BRAF: variants seen among roughly 807,000 people sequenced by gnomAD.
BRAF encodes the protein serine/threonine-protein kinase B-raf.
BRAF carries 16 observed loss-of-function variants against 104.6 expected under a neutral mutation model. That is an observed-to-expected ratio of 0.15 (90% CI 0.10 to 0.23). The LOEUF is 0.23. BRAF is among the 10% of genes least tolerant of loss of function. BRAF has a pLI of 1.00. For synonymous variants in BRAF, 310 were observed against 341.6 expected (o/e 0.91, Z 1.02); for missense variants, 541 against 937.3 (o/e 0.58, Z 5.52).
intron 14 of BRAF, among the ~76,000 whole-genome samples, chr7:140,775,175 T>C (rs1478101738): frequency 1.3e-5 from 2 of 152,076 alleles, no homozygotes; most frequent in Non-Finnish European, 2.9e-5. Flanking sequence ...AGGATATTTG[T>C]GGCATGTGTA....
intron 1 of BRAF, among the ~76,000 whole-genome samples, chr7:140,904,345 T>G (rs2129132372): frequency 6.6e-6 from 1 of 152,052 alleles, no homozygotes; most frequent in Middle Eastern, 3.4e-3. Context: ...GACTGTGAAT[T>G]TCCCAGTAGA....
chr7:140,901,214 A>C (rs1815591728), intron 1 of BRAF, among the ~76,000 whole-genome samples: 1 of 152,240 alleles, frequency 6.6e-6, no homozygotes, highest in African/African-American at 2.4e-5. Context: ...TACAAATATG[A>C]GATAATAAAA....
intron 1 of BRAF, among the ~76,000 whole-genome samples, chr7:140,892,461 C>T (rs1474796165): frequency 3.3e-5 from 5 of 152,200 alleles, no homozygotes; most frequent in Non-Finnish European, 4.4e-5. Flanking sequence ...ATTTAGATAA[C>T]ACAGTATCCC....
At chr7:140,755,661 C>T (rs1286205786) in intron 14 of BRAF, among the ~76,000 whole-genome samples, 5 of 152,140 alleles carry the variant, frequency 3.3e-5, no homozygotes, top group East Asian at 3.8e-4. Context: ...CACTCTTTCA[C>T]TGAAAGAAAA....
intron 14 of BRAF, among the ~76,000 whole-genome samples, chr7:140,769,633 C>T (rs924061720): frequency 6.6e-6 from 1 of 152,152 alleles, no homozygotes; most frequent in African/African-American, 2.4e-5. Context: ...CTACTATATA[C>T]GATTCTACTG....
At chr7:140,834,385 C>G (rs1807094439) in intron 3 of BRAF, 6 of 661,076 alleles carry the variant, frequency 9.1e-6, no homozygotes, top group South Asian at 6.3e-5. Context: ...GTTTGGCAGA[C>G]AGGTTTAAAT....
chr7:140,850,601 T>A (rs1039706829), intron 1 of BRAF, among the ~76,000 whole-genome samples: 1 of 152,188 alleles, frequency 6.6e-6, no homozygotes, highest in African/African-American at 2.4e-5. Flanking sequence ...AATGTACACA[T>A]ATAATTAAAT....
chr7:140,739,229 C>T lies in BRAF; in HGVS notation c.2247+583G>A, dbSNP rs1796694801. Among the ~76,000 whole-genome samples, 3 of 152,072 alleles carry T rather than the reference C, an allele frequency of 2.0e-5. No homozygotes were observed. The South Asian group carries it at 6.2e-4, about 32-fold the overall frequency. On this transcript the variant is annotated intron_variant, in intron 18 of 19. Coordinates refer to ENST00000644969, the MANE Select transcript of BRAF (RefSeq NM_001374258.1). ...AATAAGATATCATTTGCCTTTTTTACTGTCATTATTTTACAAGCGTTAAGT... is the reference window on the plus strand; with the variant it reads ...AATAAGATATCATTTGCCTTTTTTATTGTCATTATTTTACAAGCGTTAAGT...
In BRAF at chr7:140,924,633, T is replaced by G. The variant is rs1586674580; in HGVS notation, c.71A>C (p.Glu24Ala). 1.3e-6 allele frequency: 2 copies of G among 1,503,978 alleles called. No individual in the cohort carries two copies. Among genetic ancestry groups the G allele is most frequent in the East Asian group, 2.5e-5 (1 of 40,088 alleles). 93.2% of individuals were successfully genotyped at this position (1,503,978 alleles called of 1,614,324 possible). ...GCCGGCGCCGGCGCCGGCCTCGGGC[T>G]CCATGTCCCCGTTGAACAGAGCCTG... ...PGQALFNGDM[E>A]PEAGAGAGAA... is the part of the protein sequence containing the mutation. Residue 24 changes from glutamate to alanine, a missense_variant, in exon 1 of 20, where the codon GAG becomes GCG. Around this residue, in one of 10 missense-constraint regions of BRAF, gnomAD observed 82 missense variants for 65.9 expected, o/e 1.24. Coordinates refer to ENST00000644969, the MANE Select transcript of BRAF (RefSeq NM_001374258.1). This position sits in a 1 kb window ranked among gnomAD's most constrained non-coding sequence, Gnocchi z 4.2.
intron 18 of BRAF, among the ~76,000 whole-genome samples, chr7:140,736,261 G>C (rs1326126858): frequency 1.3e-5 from 2 of 149,298 alleles, no homozygotes; most frequent in African/African-American, 4.9e-5. Context: ...GTAGAGACGG[G>C]TATCACCATT....
chr7:140,791,488 C>A (rs1319205710), intron 8 of BRAF, among the ~76,000 whole-genome samples: 2 of 151,976 alleles, frequency 1.3e-5, no homozygotes, highest in East Asian at 3.9e-4. Context: ...TCTGCCTGCA[C>A]CTCCAATGTT....
chr7:140,844,279 T>C (rs1451970831), intron 2 of BRAF, among the ~76,000 whole-genome samples: 1 of 152,164 alleles, frequency 6.6e-6, no homozygotes, highest in Non-Finnish European at 1.5e-5. Flanking sequence ...AATTTCTGGC[T>C]ATTGTATTTT....
At chr7:140,821,549 C>T (rs1385458436) in intron 3 of BRAF, among the ~76,000 whole-genome samples, 1 of 151,900 alleles carries the variant, frequency 6.6e-6, no homozygotes. Context: ...AGTGATCCTC[C>T]CGCCTCAACC....
chr7:140,903,268 C>G (rs1395841255), intron 1 of BRAF, among the ~76,000 whole-genome samples: 1 of 152,118 alleles, frequency 6.6e-6, no homozygotes, highest in Non-Finnish European at 1.5e-5. Flanking sequence ...CAGCTGGTGA[C>G]TTTAAGTTGA....
rs985837144 is a variant in BRAF at position 140,778,154 on chromosome 7, T to C, written c.1553-79A>G. On this transcript the variant is annotated intron_variant, in intron 12 of 19. Transcript: ENST00000644969. Reference sequence around the variant, plus strand: ...ATAAAACATTCTTGGGTGTTTTCACTAATTATCATAGCCCTAACTCCATAC... The same window carrying C: ...ATAAAACATTCTTGGGTGTTTTCACCAATTATCATAGCCCTAACTCCATAC... 11 of 1,231,206 alleles carry C rather than the reference T, an allele frequency of 8.9e-6. No individual in the cohort carries two copies. The African/African-American group carries it at 1.5e-4, about 17-fold the overall frequency. The allele number at this position is 1,231,206 out of a possible 1,614,324, so 76.3% of individuals were successfully genotyped here.
chr7:140,714,795 G>A (rs1288971665), downstream of BRAF, among the ~76,000 whole-genome samples: 1 of 152,198 alleles, frequency 6.6e-6, no homozygotes, highest in African/African-American at 2.4e-5. Flanking sequence ...ACTAAGTGCT[G>A]TGGAGGAAAT....
chr7:140,754,955 C>A (rs1485991810), intron 14 of BRAF, among the ~76,000 whole-genome samples: 2 of 152,114 alleles, frequency 1.3e-5, no homozygotes, highest in African/African-American at 4.8e-5. Context: ...ACTTTAAAAT[C>A]ATCTATGTTA....
At position 140,912,684 on chromosome 7, in the gene BRAF, A is replaced by T. The variant is rs28776796; in HGVS notation, c.138+11882T>A. 5.6e-3 allele frequency among the ~76,000 whole-genome samples: 858 copies of T among 152,154 alleles called. 8 individuals carry two copies. Among genetic ancestry groups the T allele is most frequent in the African/African-American group, 0.02 (816 of 41,482 alleles). On this transcript the variant is annotated intron_variant, in intron 1 of 19. Transcript: ENST00000644969. ...CCTCTTCTCTCTTAAAATCACTTCA[A>T]TCAAAACATCTCCTTCAATATTTCA...
chr7:140,886,551 G>A (rs370125263), intron 1 of BRAF, among the ~76,000 whole-genome samples: 39 of 152,278 alleles, frequency 2.6e-4, no homozygotes, highest in African/African-American at 8.9e-4. Context: ...CAGCAGAGCA[G>A]AGCCTTCACA....
Sources: allele counts gnomAD v4.1 joint callset (sites outside exome capture counted in the v4.1 genomes callset), GRCh38; gene constraint gnomAD v4.1.1; regional missense constraint gnomAD v4.1.1; non-coding constraint Gnocchi (gnomAD v3.1); transcripts MANE v1.5; gene names NCBI Gene and HGNC (gene_info 2026-07-23, HGNC 2026-07-21).